RANBP2: variants seen among roughly 807,000 people sequenced by gnomAD.
RANBP2 encodes the protein E3 SUMO-protein ligase RanBP2.
In RANBP2, 57 loss-of-function variants were observed where a neutral mutation model predicts 303.6. The observed-to-expected ratio is 0.19, with a 90% CI of 0.15 to 0.23. The LOEUF (loss-of-function observed/expected upper bound fraction) is 0.23. Ranked by LOEUF, RANBP2 falls within the 10% of genes least tolerant of loss-of-function variation. The pLI is 1.00. For missense variants in RANBP2, 3,138 were observed against 3,780.8 expected, an observed-to-expected ratio of 0.83 and a Z score of 4.46; for synonymous variants, 1,167 against 1,301.5, an observed-to-expected ratio of 0.90 and a Z score of 2.23.
the RANBP2 span, among the ~76,000 whole-genome samples, chr2:108,939,847 C>A: frequency 1.6e-3 from 248 of 152,332 alleles, 1 homozygote; most frequent in African/African-American, 5.7e-3. Flanking sequence ...CTGCCTCCCC[C>A]AGACCCAGCC....
At chr2:108,729,045 C>G (rs1052154838) in intron 1 of RANBP2, 87 bp from the exon 2 acceptor site, 1 of 1,433,584 alleles carries the variant, frequency 7.0e-7, no homozygotes, top group Non-Finnish European at 9.4e-7. Context: ...ATTTGAACAT[C>G]AACTTAGGAC....
chr2:108,956,274 G>C, the RANBP2 span, among the ~76,000 whole-genome samples: 1 of 152,186 alleles, frequency 6.6e-6, no homozygotes, highest in African/African-American at 2.4e-5. Context: ...TGCCTGGCTG[G>C]AGATACCCTT....
chr2:108,794,656 A>T, the RANBP2 span: 1 of 1,614,132 alleles, frequency 6.2e-7, no homozygotes, highest in East Asian at 2.2e-5. Flanking sequence ...AGACAAGCGG[A>T]GTTTACTTCC....
the RANBP2 span, among the ~76,000 whole-genome samples, chr2:109,515,900 T>C: frequency 6.6e-6 from 1 of 152,084 alleles, no homozygotes; most frequent in Non-Finnish European, 1.5e-5. Flanking sequence ...TCCTGAGGGA[T>C]CCGCCCCACG....
At chr2:109,481,243 C>G in the RANBP2 span, among the ~76,000 whole-genome samples, 1 of 152,228 alleles carries the variant, frequency 6.6e-6, no homozygotes, top group Non-Finnish European at 1.5e-5. Flanking sequence ...CCACACAGGT[C>G]TCTCTGTGCT....
the RANBP2 span, among the ~76,000 whole-genome samples, chr2:109,259,226 A>G: frequency 6.6e-6 from 1 of 152,222 alleles, no homozygotes; most frequent in Non-Finnish European, 1.5e-5. Flanking sequence ...GGGTCGGATT[A>G]AAGGGTGTCC....
intron 7 of RANBP2, among the ~76,000 whole-genome samples, chr2:108,742,213 C>T (rs1485317559): frequency 6.6e-6 from 1 of 152,064 alleles, no homozygotes; most frequent in Non-Finnish European, 1.5e-5. Flanking sequence ...TCAGGCTGAT[C>T]TCGAACTCCT....
chr2:109,238,246 A>G, the RANBP2 span, among the ~76,000 whole-genome samples: 5 of 152,280 alleles, frequency 3.3e-5, no homozygotes, highest in East Asian at 1.9e-4. Context: ...GACTAATTCA[A>G]TAGAAAAGTG....
chr2:109,609,025 T>C, the RANBP2 span, among the ~76,000 whole-genome samples: 14 of 152,354 alleles, frequency 9.2e-5, no homozygotes, highest in Non-Finnish European at 1.5e-4. Context: ...TCCTTCTCCT[T>C]CTTTCCCACA....
the RANBP2 span, chr2:109,129,786 G>T: frequency 6.5e-7 from 1 of 1,539,310 alleles, no homozygotes. Context: ...GCCGCTGCCT[G>T]GAGAGCATCG....
chr2:109,346,051 C>T, the RANBP2 span, among the ~76,000 whole-genome samples: 1 of 152,248 alleles, frequency 6.6e-6, no homozygotes. Context: ...TGCCCCTTCC[C>T]ATTTTTTCTG....
the RANBP2 span, among the ~76,000 whole-genome samples, chr2:109,702,340 A>T: frequency 6.6e-6 from 1 of 152,168 alleles, no homozygotes; most frequent in Non-Finnish European, 1.5e-5. Context: ...AGACTACAAA[A>T]CCAAACTCTG....
At chr2:109,069,499 A>G in the RANBP2 span, among the ~76,000 whole-genome samples, 96 of 152,346 alleles carry the variant, frequency 6.3e-4, 1 homozygote, top group African/African-American at 2.2e-3. Flanking sequence ...CCTGCTGGCA[A>G]TGAATGGCCT....
the RANBP2 span, among the ~76,000 whole-genome samples, chr2:109,666,132 TA>T: frequency 0.33 from 45,361 of 138,718 alleles, 7,326 homozygotes; most frequent in African/African-American, 0.44. Flanking sequence ...AACAAAAAAC[TA>T]AAAAAAAAAA....
At chr2:109,619,748 T>C in the RANBP2 span, among the ~76,000 whole-genome samples, 1 of 152,220 alleles carries the variant, frequency 6.6e-6, no homozygotes, top group Non-Finnish European at 1.5e-5. Flanking sequence ...AAGATATTTT[T>C]GAAATTTTCC....
At chr2:109,346,262 A>T in the RANBP2 span, among the ~76,000 whole-genome samples, 3 of 152,220 alleles carry the variant, frequency 2.0e-5, no homozygotes, top group African/African-American at 7.2e-5. Flanking sequence ...CTGTTTGTCA[A>T]TTTGCCAGCA....
chr2:109,461,324 CAGAAAG>C, the RANBP2 span, among the ~76,000 whole-genome samples: 1 of 152,258 alleles, frequency 6.6e-6, no homozygotes, highest in Admixed American at 6.5e-5. Context: ...AACTATCTCT[CAGAAAG>C]AGAGCAGTTG....
At chr2:108,878,872 T>C in the RANBP2 span, among the ~76,000 whole-genome samples, 1 of 152,140 alleles carries the variant, frequency 6.6e-6, no homozygotes, top group African/African-American at 2.4e-5. Flanking sequence ...AAGAATCCTT[T>C]TGGAAAATAT....
At chr2:109,475,521 A>G in the RANBP2 span, among the ~76,000 whole-genome samples, 7 of 152,172 alleles carry the variant, frequency 4.6e-5, no homozygotes. Flanking sequence ...TCTGCCTCAT[A>G]CAGTTGGCTG....
Sources: gnomAD v4.1 joint callset for allele counts (sites outside exome capture counted in the v4.1 genomes callset) on GRCh38, gnomAD v4.1.1 for gene constraint, MANE v1.5 for transcripts, NCBI Gene and HGNC (gene_info 2026-07-23, HGNC 2026-07-21) for gene names.